HTR1F: variants seen among roughly 807,000 people sequenced by gnomAD.
The protein encoded by HTR1F is 5-hydroxytryptamine receptor 1F, also known as 5-hydroxytryptamine (serotonin) receptor 1F, G protein-coupled.
HTR1F carries 17 observed loss-of-function variants against 24.0 expected under a neutral mutation model. The ratio of observed to expected loss-of-function variants is 0.71; its 90% confidence interval spans 0.48 to 1.06. HTR1F has a LOEUF of 1.06. Among genes scored for constraint, HTR1F ranks in the 50% least tolerant of loss-of-function variants. The pLI is 0.00. For synonymous variants in HTR1F, 186 were observed against 156.8 expected (o/e 1.19, Z -1.39); for missense variants, 391 against 427.8 (o/e 0.91, Z 0.76).
intron 2 of HTR1F, among the ~76,000 whole-genome samples, chr3:87,959,391 G>T (rs111262046): frequency 6.6e-6 from 1 of 151,856 alleles, no homozygotes; most frequent in South Asian, 2.1e-4. Context: ...CCAAAGTCTG[G>T]CAATTGAGAG....
At chr3:87,813,168 G>T (rs1704189240) in intron 1 of HTR1F, among the ~76,000 whole-genome samples, 1 of 152,176 alleles carries the variant, frequency 6.6e-6, no homozygotes, top group Non-Finnish European at 1.5e-5. Context: ...TGCACTGTGT[G>T]CCTGGAAAAG....
chr3:87,876,619 G>A (rs56022330), intron 2 of HTR1F, among the ~76,000 whole-genome samples: 5,198 of 152,144 alleles, frequency 0.034, 111 homozygotes, highest in Non-Finnish European at 0.052. Context: ...ACTTATAGGC[G>A]TCATAAAAAA....
chr3:87,806,647 G>T (rs2919259), intron 1 of HTR1F, among the ~76,000 whole-genome samples: 20,796 of 151,906 alleles, frequency 0.14, 4,438 homozygotes, highest in African/African-American at 0.46. Context: ...GTGAAGAAGA[G>T]TTTTAGTTTA....
intron 1 of HTR1F, among the ~76,000 whole-genome samples, chr3:87,812,986 G>C (rs1704186064): frequency 6.6e-6 from 1 of 152,238 alleles, no homozygotes; most frequent in Non-Finnish European, 1.5e-5. Flanking sequence ...TGTCCAGGCA[G>C]AAGTCTGCTG....
At chr3:87,869,373 A>G (rs1278569085) in intron 2 of HTR1F, among the ~76,000 whole-genome samples, 1 of 130,980 alleles carries the variant, frequency 7.6e-6, no homozygotes, top group Non-Finnish European at 1.5e-5. Context: ...AACCAATAGG[A>G]TAGATAGATA....
At chr3:87,805,775 T>A (rs963780351) in intron 1 of HTR1F, among the ~76,000 whole-genome samples, 1 of 152,084 alleles carries the variant, frequency 6.6e-6, no homozygotes, top group South Asian at 2.1e-4. Flanking sequence ...CAAATCTGCA[T>A]ATCCTGCACG....
intron 2 of HTR1F, among the ~76,000 whole-genome samples, chr3:87,938,388 T>C (rs1201341903): frequency 2.0e-5 from 3 of 152,182 alleles, no homozygotes; most frequent in African/African-American, 7.2e-5. Flanking sequence ...CATCCAGTGC[T>C]ATTCCCATCA....
intron 2 of HTR1F, among the ~76,000 whole-genome samples, chr3:87,958,401 T>A (rs759603540): frequency 9.2e-5 from 14 of 151,632 alleles, no homozygotes; most frequent in Non-Finnish European, 1.3e-4. Context: ...GGAGTGACTG[T>A]CTGTCTCTCT....
intron 2 of HTR1F, among the ~76,000 whole-genome samples, chr3:87,940,647 CA>C (rs1285232634): frequency 2.6e-5 from 4 of 152,014 alleles, no homozygotes; most frequent in African/African-American, 9.7e-5. Context: ...CTTATGGAAC[CA>C]AAAAAGAGCC....
intron 2 of HTR1F, among the ~76,000 whole-genome samples, chr3:87,951,847 C>A (rs1314008584): frequency 6.6e-6 from 1 of 152,072 alleles, no homozygotes; most frequent in Non-Finnish European, 1.5e-5. Flanking sequence ...CTCCTGTTTC[C>A]TGGCAATCAG....
At chr3:87,934,975 C>T (rs1704375828) in intron 2 of HTR1F, among the ~76,000 whole-genome samples, 1 of 152,130 alleles carries the variant, frequency 6.6e-6, no homozygotes, top group African/African-American at 2.4e-5. Context: ...AAGTGATCCT[C>T]CCACCCCAGC....
chr3:87,916,771 C>T (rs908282548), intron 2 of HTR1F, among the ~76,000 whole-genome samples: 2 of 151,652 alleles, frequency 1.3e-5, no homozygotes, highest in Non-Finnish European at 3.0e-5. Context: ...CACAATAATA[C>T]TTCAATACTC....
intron 2 of HTR1F, among the ~76,000 whole-genome samples, chr3:87,905,489 G>C (rs1703643320): frequency 6.6e-6 from 1 of 151,868 alleles, no homozygotes; most frequent in Non-Finnish European, 1.5e-5. Context: ...GAGTATATAG[G>C]TTGGTTAGGA....
At chr3:87,909,287 A>C (rs912978451) in intron 2 of HTR1F, among the ~76,000 whole-genome samples, 6 of 152,024 alleles carry the variant, frequency 3.9e-5, no homozygotes, top group African/African-American at 1.4e-4. Flanking sequence ...GCTTTAAGCT[A>C]CTGAAATTTT....
rs142050086 is a variant in HTR1F, at chr3:87,897,773, C to G, written c.-43+75649C>G. Among the ~76,000 whole-genome samples the G allele has an allele frequency of 4.1e-4, 63 of 152,170 alleles. No individual in the cohort carries two copies. The East Asian group carries it at 9.1e-3, about 22-fold the overall frequency. Reference sequence around the variant, plus strand: ...TCATGTTCTTTCACACTCCTGCATACGTCATTTGTTCACTTCCATCCTATC... The same window carrying G: ...TCATGTTCTTTCACACTCCTGCATAGGTCATTTGTTCACTTCCATCCTATC... On this transcript the variant is annotated intron_variant, in intron 2 of 2. Coordinates refer to ENST00000319595, the MANE Select transcript of HTR1F (RefSeq NM_001322209.2).
intron 2 of HTR1F, among the ~76,000 whole-genome samples, chr3:87,970,164 G>C (rs1287956722): frequency 6.6e-6 from 1 of 152,236 alleles, no homozygotes; most frequent in Non-Finnish European, 1.5e-5. Context: ...ACATTAAGCA[G>C]AGTAGTGGGA....
intron 2 of HTR1F, among the ~76,000 whole-genome samples, chr3:87,906,828 T>G (rs183782700): frequency 6.6e-6 from 1 of 152,162 alleles, no homozygotes; most frequent in Non-Finnish European, 1.5e-5. Context: ...AGAATAATGG[T>G]CCCCAGTTCC....
chr3:87,910,604 A>G (rs1445093071), intron 2 of HTR1F, among the ~76,000 whole-genome samples: 3 of 152,002 alleles, frequency 2.0e-5, no homozygotes, highest in Non-Finnish European at 2.9e-5. Flanking sequence ...TCTAAACTCA[A>G]CATTGGACCA....
chr3:87,820,022 T>C (rs1471152411), intron 1 of HTR1F, among the ~76,000 whole-genome samples: 1 of 152,094 alleles, frequency 6.6e-6, no homozygotes, highest in African/African-American at 2.4e-5. Context: ...TGTGTAGATA[T>C]GTGAATTTCT....
Sources: allele counts gnomAD v4.1 joint callset (sites outside exome capture counted in the v4.1 genomes callset), GRCh38; gene constraint gnomAD v4.1.1; transcripts MANE v1.5; gene names NCBI Gene and HGNC (gene_info 2026-07-23, HGNC 2026-07-21).